The following AGO2 variants were observed in gnomAD, a reference collection of about 807,000 sequenced individuals.
The protein encoded by AGO2 is protein argonaute-2.
In AGO2, 5 loss-of-function variants were observed where a neutral mutation model predicts 102.3. That is an observed-to-expected ratio of 0.05 (90% CI 0.03 to 0.10). AGO2 has a LOEUF of 0.10. Among genes scored for constraint, AGO2 ranks in the 10% least tolerant of loss-of-function variants. The probability of loss-of-function intolerance (pLI) is 1.00; values close to 1 mark genes in which losing one functional copy is unlikely to be tolerated. For missense variants in AGO2, 541 were observed against 1,183.7 expected (o/e 0.46, Z 7.97); for synonymous variants, 449 against 473.1 (o/e 0.95, Z 0.66).
chr8:140,613,205 A>T (rs1229884850), intron 1 of AGO2, among the ~76,000 whole-genome samples: 1 of 152,274 alleles, frequency 6.6e-6, no homozygotes, highest in East Asian at 1.9e-4. Context: ...GTCTCAAAAA[A>T]CAACAGCAAC....
At chr8:140,640,169 C>T (rs1042796079), upstream of AGO2, among the ~76,000 whole-genome samples, 5 of 152,096 alleles carry the variant, frequency 3.3e-5, no homozygotes, top group Non-Finnish European at 5.9e-5. Context: ...CCACCACACC[C>T]GGCTAATTTT....
intron 3 of AGO2, among the ~76,000 whole-genome samples, chr8:140,565,004 C>T (rs1396168961): frequency 2.0e-5 from 3 of 152,016 alleles, no homozygotes; most frequent in Non-Finnish European, 2.9e-5. Context: ...TATGGTGGCA[C>T]GTGCCTATAA....
chr8:140,556,123 G>T (rs781225531), intron 9 of AGO2, 44 bp downstream of exon 9: 2 of 1,612,192 alleles, frequency 1.2e-6, no homozygotes, highest in African/African-American at 1.3e-5. Flanking sequence ...CAGGGCAACC[G>T]GACTGGATTC....
intron 1 of AGO2, among the ~76,000 whole-genome samples, chr8:140,607,830 C>T (rs897268958): frequency 2.6e-5 from 4 of 152,030 alleles, no homozygotes; most frequent in South Asian, 2.1e-4. Flanking sequence ...CTGTTCCAGG[C>T]GATGGAAACG....
intron 1 of AGO2, among the ~76,000 whole-genome samples, chr8:140,587,457 C>G (rs1464907315): frequency 6.6e-6 from 1 of 152,238 alleles, no homozygotes; most frequent in African/African-American, 2.4e-5. Flanking sequence ...AAGGACGCCT[C>G]TGCAGGCCTT....
chr8:140,596,049 G>A (rs55770653), intron 1 of AGO2, among the ~76,000 whole-genome samples: 8,829 of 142,328 alleles, frequency 0.062, 655 homozygotes, highest in African/African-American at 0.18. Context: ...GAGCCCTCCT[G>A]TGTTGTCCAG....
chr8:140,579,863 C>T (rs1053686216), intron 2 of AGO2, among the ~76,000 whole-genome samples: 1 of 152,250 alleles, frequency 6.6e-6, no homozygotes, highest in Non-Finnish European at 1.5e-5. Flanking sequence ...GAGCTCTAGG[C>T]GCAAGGCTGA....
In AGO2 at chr8:140,531,851, T is replaced by G. The variant is rs1156866084; in HGVS notation, c.*193A>C. On this transcript the variant is annotated 3_prime_UTR_variant, in exon 19 of 19. Transcript: ENST00000220592. The stretch of plus-strand genomic sequence containing the variant: ...TATTTCCTATGACATTGGGTTCTCA[T>G]ACAGGTCTGCAGTTCAAAATCCAAG... 5.3e-6 allele frequency: 3 copies of G among 561,884 alleles called. No homozygotes were observed. The highest frequency in any genetic ancestry group is 9.6e-6 in the Non-Finnish European group (3 of 312,880). 34.8% of individuals were successfully genotyped at this position (561,884 alleles called of 1,614,324 possible). A position where few individuals can be genotyped will look rare whatever the true frequency, so the allele number is the denominator to read the frequency against.
chr8:140,554,697 A>G (rs2073063919), intron 10 of AGO2, among the ~76,000 whole-genome samples: 1 of 151,938 alleles, frequency 6.6e-6, no homozygotes, highest in African/African-American at 2.4e-5. Context: ...TTTTTTAAGT[A>G]TTTTTTATTT....
chr8:140,626,508 G>A (rs937002472), intron 1 of AGO2: 1 of 152,202 alleles, frequency 6.6e-6, no homozygotes, highest in Admixed American at 6.5e-5. Flanking sequence ...CACAACTGCA[G>A]GTCGCCCGCA....
intron 1 of AGO2, among the ~76,000 whole-genome samples, chr8:140,608,914 G>A (rs1285118744): frequency 6.6e-6 from 1 of 152,202 alleles, no homozygotes; most frequent in Non-Finnish European, 1.5e-5. Flanking sequence ...AGGGGCCCAT[G>A]GTGAGGTCCT....
At position 140,562,444 on chromosome 8, in the gene AGO2, C is replaced by A; in HGVS notation, c.518+9G>T. 1 of 1,604,856 alleles carries A rather than the reference C, an allele frequency of 6.2e-7. No homozygotes were observed. The highest frequency in any genetic ancestry group is 8.5e-7 in the Non-Finnish European group (1 of 1,174,414). ...GTCCCCCGCCCTTGGTCCCGTGTGG[C>A]GCCCTCACCTCATGGATGGCAAGTG... On this transcript the variant is annotated intron_variant, in intron 4 of 18. Transcript: ENST00000220592.
chr8:140,573,233 G>A (rs540785189), intron 2 of AGO2, among the ~76,000 whole-genome samples: 53 of 151,966 alleles, frequency 3.5e-4, no homozygotes, highest in African/African-American at 9.2e-4. Context: ...GCAGTGGCAC[G>A]ATCTTGGCTC....
chr8:140,584,942 A>T (rs7005915), intron 2 of AGO2, among the ~76,000 whole-genome samples, 177 bp downstream of exon 2: 13,126 of 152,018 alleles, frequency 0.086, 628 homozygotes, highest in Non-Finnish European at 0.11. Context: ...TTATATATAT[A>T]TTTTTTTCAA....
At chr8:140,600,986 C>A (rs1203929910) in intron 1 of AGO2, among the ~76,000 whole-genome samples, 3 of 152,184 alleles carry the variant, frequency 2.0e-5, no homozygotes, top group South Asian at 2.1e-4. Flanking sequence ...TTCACCTCCA[C>A]CATTTGTGTG....
rs1013767366 is a variant in AGO2 at position 140,589,042 on chromosome 8, C to T, written c.23-3731G>A. Among the ~76,000 whole-genome samples, 4 of 152,202 alleles carry T rather than the reference C, an allele frequency of 2.6e-5. No individual in the cohort carries two copies. Among genetic ancestry groups the T allele is most frequent in the African/African-American group, 4.8e-5 (2 of 41,460 alleles). On this transcript the variant is annotated intron_variant, in intron 1 of 18. Coordinates refer to ENST00000220592, the MANE Select transcript of AGO2 (RefSeq NM_012154.5). The surrounding 1 kb of genome is among the most constrained non-coding windows in gnomAD (Gnocchi z 4.2). Reference sequence around the variant, plus strand: ...AAAAAATTTCAGTATACACAGCGGACGTCAGCAGAGGTGGGCGGCAGGCGA... The same window carrying T: ...AAAAAATTTCAGTATACACAGCGGATGTCAGCAGAGGTGGGCGGCAGGCGA...
chr8:140,561,072 G>C (rs952876766), intron 4 of AGO2, among the ~76,000 whole-genome samples: 1 of 152,248 alleles, frequency 6.6e-6, no homozygotes, highest in African/African-American at 2.4e-5. Flanking sequence ...CCCCGTAGGA[G>C]GTGGAAGGGC....
chr8:140,587,655 G>A (rs2073679056), intron 1 of AGO2, among the ~76,000 whole-genome samples: 1 of 152,256 alleles, frequency 6.6e-6, no homozygotes, highest in Non-Finnish European at 1.5e-5. Flanking sequence ...ACCCTGGGCT[G>A]TGAGCCCCTG....
At chr8:140,606,869 G>A (rs905379151) in intron 1 of AGO2, among the ~76,000 whole-genome samples, 5 of 150,050 alleles carry the variant, frequency 3.3e-5, no homozygotes, top group Admixed American at 1.3e-4. Context: ...CCTGGGAGAC[G>A]GAGGTTGTGG....
Sources: gnomAD v4.1 joint callset for allele counts (sites outside exome capture counted in the v4.1 genomes callset) on GRCh38, gnomAD v4.1.1 for gene constraint, Gnocchi (gnomAD v3.1) non-coding constraint, MANE v1.5 for transcripts, NCBI Gene and HGNC (gene_info 2026-07-23, HGNC 2026-07-21) for gene names.